KCNJ6: variants seen among roughly 807,000 people sequenced by gnomAD.
KCNJ6 encodes G protein-activated inward rectifier potassium channel 2.
A neutral mutation model predicts 34.2 loss-of-function variants in KCNJ6; 9 were observed. The ratio of observed to expected loss-of-function variants is 0.26; its 90% CI spans 0.16 to 0.46. The LOEUF (loss-of-function observed/expected upper bound fraction) is 0.46, where lower values mean the gene tolerates loss of function less well. Among genes scored for constraint, KCNJ6 ranks in the 20% least tolerant of loss-of-function variants. The pLI is 1.00. For synonymous variants in KCNJ6, 196 were observed against 207.1 expected (o/e 0.95, Z 0.46); for missense variants, 236 against 531.3 (o/e 0.44, Z 5.46).
chr21:37,877,031 T>G (rs536410989), intron 1 of KCNJ6, among the ~76,000 whole-genome samples: 3 of 152,326 alleles, frequency 2.0e-5, no homozygotes, highest in African/African-American at 7.2e-5. Context: ...TGTTCCAAAG[T>G]GCCCTGCCCT....
At chr21:37,697,142 T>C (rs1372715123) in intron 3 of KCNJ6, among the ~76,000 whole-genome samples, 1 of 152,176 alleles carries the variant, frequency 6.6e-6, no homozygotes, top group Non-Finnish European at 1.5e-5. Context: ...GAGAAGACCA[T>C]AAGACGATTG....
rs1039688128 is a variant in KCNJ6, at chr21:37,706,458, C to T, written c.946+7753G>A. Among the ~76,000 whole-genome samples, 5 of 152,312 alleles carry T rather than the reference C, an allele frequency of 3.3e-5. 1 individual carries two copies. The highest frequency in any genetic ancestry group is 4.1e-4 in the South Asian group (2 of 4,828). On this transcript the variant is annotated intron_variant, in intron 3 of 3. Coordinates refer to ENST00000609713, the MANE Select transcript of KCNJ6 (RefSeq NM_002240.5). ...ATGACTAACAAATTGTGAGCAGAAG[C>T]GAGTGTTTGGCCCTGTCTCTTGTTT...
intron 2 of KCNJ6, among the ~76,000 whole-genome samples, chr21:37,751,322 T>C (rs1278308293): frequency 6.6e-6 from 1 of 152,188 alleles, no homozygotes; most frequent in Admixed American, 6.5e-5. Context: ...TGCTGAGCAT[T>C]TTAGTAGCAA....
intron 2 of KCNJ6, among the ~76,000 whole-genome samples, chr21:37,718,831 CAAT>C (rs1284867803): frequency 6.6e-6 from 1 of 152,052 alleles, no homozygotes; most frequent in African/African-American, 2.4e-5. Context: ...AAAAAAAATA[CAAT>C]AACAATGGGA....
At chr21:37,879,727 G>A (rs936543231) in intron 1 of KCNJ6, among the ~76,000 whole-genome samples, 3 of 147,888 alleles carry the variant, frequency 2.0e-5, no homozygotes, top group Admixed American at 6.7e-5. Flanking sequence ...GTGTGTGTGT[G>A]TGTGTGTGTG....
At chr21:37,788,370 T>C (rs2055201528) in intron 2 of KCNJ6, among the ~76,000 whole-genome samples, 1 of 152,202 alleles carries the variant, frequency 6.6e-6, no homozygotes, top group Non-Finnish European at 1.5e-5. Context: ...GTTACTAATA[T>C]AAATCAATAA....
At chr21:37,799,310 T>G (rs547247865) in intron 2 of KCNJ6, among the ~76,000 whole-genome samples, 1 of 152,324 alleles carries the variant, frequency 6.6e-6, no homozygotes, top group Non-Finnish European at 1.5e-5. Flanking sequence ...GGGAAATGCC[T>G]TAGCCAGTCA....
At chr21:37,761,248 T>C (rs892164327) in intron 2 of KCNJ6, among the ~76,000 whole-genome samples, 1 of 150,866 alleles carries the variant, frequency 6.6e-6, no homozygotes, top group African/African-American at 2.4e-5. Context: ...GTGTGTGCCA[T>C]ATGTGGTATA....
intron 2 of KCNJ6, among the ~76,000 whole-genome samples, chr21:37,742,032 G>A (rs1196719396): frequency 2.6e-5 from 4 of 152,206 alleles, no homozygotes; most frequent in African/African-American, 4.8e-5. Context: ...AAAGGGGGAA[G>A]GCCTCAGGCA....
intron 2 of KCNJ6, among the ~76,000 whole-genome samples, chr21:37,747,649 G>C (rs577641888): frequency 1.6e-3 from 251 of 152,216 alleles, no homozygotes; most frequent in African/African-American, 5.7e-3. Context: ...GAGGGAGAAC[G>C]AGAGAGATGG....
intron 1 of KCNJ6, among the ~76,000 whole-genome samples, chr21:37,865,666 C>T (rs1347472050): frequency 6.6e-6 from 1 of 152,226 alleles, no homozygotes; most frequent in Non-Finnish European, 1.5e-5. Flanking sequence ...GCACTACGTG[C>T]TCTTGCTGAT....
chr21:37,652,420 T>C (rs2054437916), intron 3 of KCNJ6, among the ~76,000 whole-genome samples: 1 of 152,168 alleles, frequency 6.6e-6, no homozygotes, highest in Non-Finnish European at 1.5e-5. Context: ...ACAACTCTTT[T>C]GAAGAATTTG....
chr21:37,661,640 T>TTTTTTA (rs2054489618), intron 3 of KCNJ6, among the ~76,000 whole-genome samples: 1 of 132,276 alleles, frequency 7.6e-6, no homozygotes, highest in African/African-American at 3.1e-5. Context: ...TTTTTTTTTT[T>TTTTTTA]GAGACTGGAG....
At chr21:37,835,009 G>A (rs981568151) in intron 2 of KCNJ6, among the ~76,000 whole-genome samples, 1 of 152,186 alleles carries the variant, frequency 6.6e-6, no homozygotes, top group African/African-American at 2.4e-5. Context: ...ATGCCCAAAG[G>A]GATGGCTGGG....
At chr21:37,863,367 G>T (rs2055604244) in intron 1 of KCNJ6, among the ~76,000 whole-genome samples, 2 of 152,008 alleles carry the variant, frequency 1.3e-5, no homozygotes, top group Admixed American at 1.3e-4. Flanking sequence ...TATACCCTCA[G>T]CTTCTTAATA....
chr21:37,706,318 A>G (rs188472642), intron 3 of KCNJ6, among the ~76,000 whole-genome samples: 51 of 152,396 alleles, frequency 3.3e-4, no homozygotes, highest in African/African-American at 1.2e-3. Flanking sequence ...TTTCAAAACC[A>G]TGAGGCGATC....
chr21:37,871,670 G>C (rs1458152424), intron 1 of KCNJ6, among the ~76,000 whole-genome samples: 1 of 152,206 alleles, frequency 6.6e-6, no homozygotes, highest in African/African-American at 2.4e-5. Flanking sequence ...GTGTGCTCTT[G>C]CAGACAGATG....
Position 37,625,037 on chromosome 21 carries a change from C to T in KCNJ6, c.*122G>A, listed in dbSNP as rs1234967769. Reference sequence around the variant, plus strand: ...ACACCTTGAAGATTTGTTTTCTGGTCATGTAAAAATTAAATATAAACAAAT... The same window carrying T: ...ACACCTTGAAGATTTGTTTTCTGGTTATGTAAAAATTAAATATAAACAAAT... On this transcript the variant is annotated 3_prime_UTR_variant, in exon 4 of 4. Transcript: ENST00000609713. 1.3e-6 allele frequency: 1 copy of T among 747,624 alleles called. No homozygotes were observed. The highest frequency in any genetic ancestry group is 1.8e-5 in the African/African-American group (1 of 57,016). 46.3% of individuals were successfully genotyped at this position (747,624 alleles called of 1,614,324 possible).
intron 3 of KCNJ6, among the ~76,000 whole-genome samples, chr21:37,657,125 C>T (rs1217206178): frequency 4.6e-5 from 7 of 152,106 alleles, no homozygotes; most frequent in Admixed American, 3.9e-4. Flanking sequence ...ACCAGTCCAC[C>T]CAGAACCCCT....
Sources: gnomAD v4.1 joint callset for allele counts (sites outside exome capture counted in the v4.1 genomes callset) on GRCh38, gnomAD v4.1.1 for gene constraint, MANE v1.5 for transcripts, NCBI Gene and HGNC (gene_info 2026-07-23, HGNC 2026-07-21) for gene names.